The following PSG6 variants were observed in gnomAD, a reference collection of about 807,000 sequenced individuals.
PSG6 encodes pregnancy specific beta-1-glycoprotein 6, also known as pregnancy-specific beta-1-glycoprotein 6.
In PSG6, 51 loss-of-function variants were observed where a neutral mutation model predicts 43.3. That is an observed-to-expected ratio of 1.18 (90% CI 0.94 to 1.49). The LOEUF (loss-of-function observed/expected upper bound fraction) is 1.49. Ranked by LOEUF, PSG6 falls within the 40% of genes most tolerant of loss-of-function variation. The probability of loss-of-function intolerance (pLI) is 0.00; values close to 1 mark genes in which losing one functional copy is unlikely to be tolerated. For synonymous variants in PSG6, 292 were observed against 197.6 expected (o/e 1.48, Z -4.01); for missense variants, 770 against 522.2 (o/e 1.47, Z -4.62).
chr19:42,910,825 T>A lies in PSG6; in HGVS notation c.461A>T (p.Asn154Ile). 6.2e-7 allele frequency: 1 copy of A among 1,611,784 alleles called. No homozygotes were observed. The highest frequency in any genetic ancestry group is 2.2e-5 in the East Asian group (1 of 44,774). ...ETPKPSISSS[N>I]LNPREVMEAV... is the part of the protein sequence containing the mutation. ...CTCCATGACCTCCCTGGGGTTTAAG[T>A]TGCTGCTGGAGATGGAGGGCTTGGG... is the stretch of plus-strand genomic sequence containing the variant. Residue 154 changes from asparagine (N) to isoleucine (I), a missense_variant, in exon 3 of 6, where the codon AAC (asparagine) becomes ATC (isoleucine). Asn to Ile is a moderately radical substitution (Grantham distance 149). Transcript: ENST00000187910.
At position 42,914,362 on chromosome 19, in the gene PSG6, G is replaced by T. The variant is rs1195940166; in HGVS notation, c.427+1763C>A. Among the ~76,000 whole-genome samples, 7 of 151,216 alleles carry T rather than the reference G, an allele frequency of 4.6e-5. 1 individual carries two copies. In the East Asian group the frequency reaches 9.7e-4, roughly 21 times the overall value. Reference sequence around the variant, plus strand: ...AGGGAGTGTCTGGGGAAGGCCTAGGGTTGGAGGAAGAAGCTGTGCAGGACA... The same window carrying T: ...AGGGAGTGTCTGGGGAAGGCCTAGGTTTGGAGGAAGAAGCTGTGCAGGACA... On this transcript the variant is annotated intron_variant, in intron 2 of 5. Coordinates refer to ENST00000187910, the MANE Select transcript of PSG6 (RefSeq NM_001031850.4).
chr19:42,915,032 C>A lies in PSG6; in HGVS notation c.427+1093G>T. On this transcript the variant is annotated intron_variant, in intron 2 of 5. Coordinates refer to ENST00000187910, the MANE Select transcript of PSG6 (RefSeq NM_001031850.4). ...CTCTCACTCCTCTGAGGTTTGGATG[C>A]CTAAGAAGAGAGGATTTGAGTCAAT... Among the ~76,000 whole-genome samples, 2 of 151,534 alleles carry A rather than the reference C, an allele frequency of 1.3e-5. 1 individual carries two copies. The highest frequency in any genetic ancestry group is 2.9e-5 in the Non-Finnish European group (2 of 67,854).
chr19:42,910,574 A>G lies in PSG6; in HGVS notation c.706+6T>C. 6.2e-7 allele frequency: 1 copy of G among 1,612,394 alleles called. No homozygotes were observed. The highest frequency in any genetic ancestry group is 8.5e-7 in the Non-Finnish European group (1 of 1,179,240). Reference sequence around the variant, plus strand: ...CCTGGCTCACAGAGGAACAGAAGATACTCACGGAGGAGATTCAGGGTGACT... The same window carrying G: ...CCTGGCTCACAGAGGAACAGAAGATGCTCACGGAGGAGATTCAGGGTGACT... On this transcript the variant is annotated splice_donor_region_variant and intron_variant, in intron 3 of 5. Coordinates refer to ENST00000187910, the MANE Select transcript of PSG6 (RefSeq NM_001031850.4).
chr19:42,911,147 T>G (rs1161727692), intron 2 of PSG6, among the ~76,000 whole-genome samples: 1 of 151,632 alleles, frequency 6.6e-6, no homozygotes, highest in Non-Finnish European at 1.5e-5. Context: ...GGTGCCTCTC[T>G]GAGTCCCTCC....
rs1694870511 is a variant in PSG6, at chr19:42,904,753, A to G, written c.1240+2169T>C. Among the ~76,000 whole-genome samples, 3 of 151,656 alleles carry G rather than the reference A, an allele frequency of 2.0e-5. No homozygotes were observed. In the South Asian group the frequency reaches 6.3e-4, roughly 32 times the overall value. ...CAGATTCAATACAATTCCTATCAGAATCTCAGTGACATTTTTGCAGAAAAA... is the reference window on the plus strand; with the variant it reads ...CAGATTCAATACAATTCCTATCAGAGTCTCAGTGACATTTTTGCAGAAAAA... On this transcript the variant is annotated intron_variant, in intron 5 of 5. Coordinates refer to ENST00000187910, the MANE Select transcript of PSG6 (RefSeq NM_001031850.4).
chr19:42,905,858 G>C (rs1430900768), intron 5 of PSG6, among the ~76,000 whole-genome samples: 1 of 151,664 alleles, frequency 6.6e-6, no homozygotes, highest in Non-Finnish European at 1.5e-5. Context: ...ATAAAAGATA[G>C]TTAGAATAGC....
chr19:42,916,462 C>G lies in PSG6; in HGVS notation c.90G>C (p.Leu30=). 6.2e-7 allele frequency: 1 copy of G among 1,611,322 alleles called. No individual in the cohort carries two copies. The highest frequency in any genetic ancestry group is 8.5e-7 in the Non-Finnish European group (1 of 1,178,772). ...CAATTATTACTTGGGCAGTGGTGGG[C>G]AGGTTCCAGAAGTTTAAAAGTGATG... ...LTASLLNFWN[L]PTTAQVIIEA... The change falls in exon 2 of 6, where the codon CTG becomes CTC. Residue 30 remains leucine (L), a synonymous_variant. Coordinates refer to ENST00000187910, the MANE Select transcript of PSG6 (RefSeq NM_001031850.4).
intron 5 of PSG6, among the ~76,000 whole-genome samples, chr19:42,904,932 G>A (rs1972088991): frequency 6.6e-6 from 1 of 151,580 alleles, no homozygotes; most frequent in African/African-American, 2.4e-5. Flanking sequence ...CTGGCATAAA[G>A]GAGGACATAG....
chr19:42,908,020 G>T (rs1972152255), intron 3 of PSG6, 166 bp from the exon 4 acceptor site: 1 of 1,134,616 alleles, frequency 8.8e-7, no homozygotes, highest in Non-Finnish European at 1.2e-6. Flanking sequence ...AGGGCTCAAA[G>T]ACTGTGAGGC....
chr19:42,902,420 ACT>A lies in PSG6; in HGVS notation c.1265_1266del (p.Glu422ValfsTer17), dbSNP rs758776847. The A allele has an allele frequency of 3.1e-6, 5 of 1,610,706 alleles. No homozygotes were observed. In the South Asian group the frequency reaches 4.4e-5, roughly 14 times the overall value. ...CTCTATTGTGGCAGCCATTAATGAGACTCTGTCTGGTTTCCATGGCAGGGACC... is the reference window on the plus strand; with the variant it reads ...CTCTATTGTGGCAGCCATTAATGAGACTGTCTGGTTTCCATGGCAGGGACC... ...VSGPCHGNQT[E>X]SH On this transcript the variant is annotated frameshift_variant, in exon 6 of 6. Transcript: ENST00000187910. LOFTEE classifies it high-confidence loss of function.
Position 42,903,757 on chromosome 19 carries a change from T to G in PSG6, c.1241-1311A>C, listed in dbSNP as rs529393016. 1.2e-4 allele frequency: 184 copies of G among 1,514,482 alleles called. 1 individual carries two copies. The highest frequency in any genetic ancestry group is 5.6e-4 in the African/African-American group (39 of 70,104). 93.8% of individuals were successfully genotyped at this position (1,514,482 alleles called of 1,614,324 possible). On this transcript the variant is annotated intron_variant, in intron 5 of 5. Coordinates refer to ENST00000187910, the MANE Select transcript of PSG6 (RefSeq NM_001031850.4). ...AAAAAAAACCAATTAGCTGGGCATG[T>G]TGACATGCACCTGTAGTCCTAGCAT... is the stretch of plus-strand genomic sequence containing the variant.
chr19:42,911,366 T>G (rs2049712367), intron 2 of PSG6, among the ~76,000 whole-genome samples: 1 of 151,636 alleles, frequency 6.6e-6, no homozygotes, highest in South Asian at 2.1e-4. Flanking sequence ...ACTGGGTACT[T>G]CAGCAGAAAT....
intron 2 of PSG6, among the ~76,000 whole-genome samples, chr19:42,914,378 G>A (rs1310734976): frequency 6.6e-6 from 1 of 150,988 alleles, no homozygotes; most frequent in Non-Finnish European, 1.5e-5. Context: ...GGAAGAAGCT[G>A]TGCAGGACAG....
Position 42,907,016 on chromosome 19 carries a change from T to G in PSG6, c.1146A>C (p.Gln382His), listed in dbSNP as rs143212498. Reference protein sequence around the residue: ...QLSGQKLFIPQITTNHSGLYA... With the variant: ...QLSGQKLFIPHITTNHSGLYA... ...AGAGCCCGCTATGATTTGTAGTAATTTGGGGGATAAAGAGCTTTTGTCCTG... is the reference window on the plus strand; with the variant it reads ...AGAGCCCGCTATGATTTGTAGTAATGTGGGGGATAAAGAGCTTTTGTCCTG... Residue 382 changes from glutamine (Q) to histidine (H), a missense_variant, in exon 5 of 6, where the codon CAA (glutamine) becomes CAC (histidine). Coordinates refer to ENST00000187910, the MANE Select transcript of PSG6 (RefSeq NM_001031850.4). The G allele has an allele frequency of 2.5e-6, 4 of 1,612,460 alleles. No individual in the cohort carries two copies. The highest frequency in any genetic ancestry group is 1.7e-5 in the Admixed American group (1 of 59,900).
intron 3 of PSG6, among the ~76,000 whole-genome samples, chr19:42,908,695 T>G (rs952052649): frequency 1.3e-5 from 2 of 151,586 alleles, no homozygotes; most frequent in African/African-American, 2.4e-5. Context: ...GTGGAAAGGG[T>G]GGGAATGAAC....
Position 42,916,447 on chromosome 19 carries a change from T to C in PSG6, c.105A>G (p.Gln35=). 6.2e-7 allele frequency: 1 copy of C among 1,611,934 alleles called. No individual in the cohort carries two copies. Among genetic ancestry groups the C allele is most frequent in the Non-Finnish European group, 8.5e-7 (1 of 1,179,016 alleles). The change falls in exon 2 of 6, where the codon CAA becomes CAG. Residue 35 remains glutamine (Q), a synonymous_variant. Transcript: ENST00000187910. ...TGGGTGGCTTGGCTTCAATTATTACTTGGGCAGTGGTGGGCAGGTTCCAGA... is the reference window on the plus strand; with the variant it reads ...TGGGTGGCTTGGCTTCAATTATTACCTGGGCAGTGGTGGGCAGGTTCCAGA... ...LNFWNLPTTA[Q]VIIEAKPPKV...
chr19:42,905,683 A>G (rs1972100136), intron 5 of PSG6, among the ~76,000 whole-genome samples: 1 of 151,688 alleles, frequency 6.6e-6, no homozygotes, highest in Non-Finnish European at 1.5e-5. Flanking sequence ...GTCCATTGAA[A>G]GATAAGTGGG....
chr19:42,904,022 A>T (rs1972075717), intron 5 of PSG6, among the ~76,000 whole-genome samples: 2 of 151,862 alleles, frequency 1.3e-5, no homozygotes, highest in African/African-American at 4.8e-5. Context: ...GATGAAATAG[A>T]CAAACTCCTA....
chr19:42,917,502 A>G (rs1397098903), intron 1 of PSG6, among the ~76,000 whole-genome samples: 2 of 150,286 alleles, frequency 1.3e-5, no homozygotes, highest in Non-Finnish European at 3.0e-5. Context: ...AGCTGGGATT[A>G]CAGGAGCACA....
Sources: gnomAD v4.1 joint callset for allele counts (sites outside exome capture counted in the v4.1 genomes callset) on GRCh38, gnomAD v4.1.1 for gene constraint, MANE v1.5 for transcripts, NCBI Gene and HGNC (gene_info 2026-07-23, HGNC 2026-07-21) for gene names.